Variants in SLIT1 observed in about 807,000 individuals in gnomAD.
SLIT1 encodes slit guidance ligand 1.
A neutral mutation model predicts 186.1 loss-of-function variants in SLIT1; 66 were observed. The ratio of observed to expected loss-of-function variants is 0.35; its 90% CI spans 0.29 to 0.44. The LOEUF (loss-of-function observed/expected upper bound fraction) is 0.44, where lower values mean the gene tolerates loss of function less well. SLIT1 is among the 20% of genes least tolerant of loss of function. SLIT1 has a pLI of 1.00. For missense variants in SLIT1, 1,638 were observed against 2,037.4 expected (o/e 0.80, Z 3.77); for synonymous variants, 761 against 833.8 (o/e 0.91, Z 1.50).
rs1848505164 is a variant in SLIT1 at position 97,021,861 on chromosome 10, C to G, written c.2583-448G>C. ...TACAGGCGTGAGCCACCGTGCCTGGCTGCCAGTGCTGTTTTAAGCACTGCA... is the reference window on the plus strand; with the variant it reads ...TACAGGCGTGAGCCACCGTGCCTGGGTGCCAGTGCTGTTTTAAGCACTGCA... On this transcript the variant is annotated intron_variant, in intron 25 of 36. Transcript: ENST00000266058. This position sits in a 1 kb window ranked among gnomAD's most constrained non-coding sequence, Gnocchi z 4.5. Among the ~76,000 whole-genome samples the G allele has an allele frequency of 6.6e-6, 1 of 152,218 alleles. No homozygotes were observed. Among genetic ancestry groups the G allele is most frequent in the Non-Finnish European group, 1.5e-5 (1 of 68,040 alleles).
chr10:97,052,090 G>GTT (rs773462819), intron 13 of SLIT1, among the ~76,000 whole-genome samples: 2,514 of 118,152 alleles, frequency 0.021, 89 homozygotes, highest in African/African-American at 0.075. Context: ...GTATGATTCG[G>GTT]TTTTTTTTTG....
intron 1 of SLIT1, among the ~76,000 whole-genome samples, chr10:97,168,096 T>G (rs1021104957): frequency 6.6e-6 from 1 of 152,206 alleles, no homozygotes; most frequent in Non-Finnish European, 1.5e-5. Flanking sequence ...CACATAACAA[T>G]GGCTGTCACT....
chr10:97,137,800 G>C (rs760223074), intron 4 of SLIT1, among the ~76,000 whole-genome samples: 1 of 152,230 alleles, frequency 6.6e-6, no homozygotes, highest in East Asian at 1.9e-4. Context: ...TGCCCAGGCT[G>C]GTTGCTTAAT....
chr10:97,026,452 G>A (rs1029455520), intron 25 of SLIT1, among the ~76,000 whole-genome samples: 1 of 148,534 alleles, frequency 6.7e-6, no homozygotes, highest in African/African-American at 2.6e-5. Flanking sequence ...CGATAAGAGC[G>A]AAACTCCGTC....
chr10:97,149,805 A>G (rs1487779592), intron 4 of SLIT1, among the ~76,000 whole-genome samples: 1 of 152,186 alleles, frequency 6.6e-6, no homozygotes, highest in African/African-American at 2.4e-5. Context: ...ACTTAATACT[A>G]GGCTGATGTT....
At chr10:97,114,708 T>C (rs1264624200) in intron 4 of SLIT1, among the ~76,000 whole-genome samples, 2 of 152,146 alleles carry the variant, frequency 1.3e-5, no homozygotes, top group African/African-American at 4.8e-5. Flanking sequence ...TCTACCTGGA[T>C]ACTTAGGGTC....
chr10:97,066,185 G>A lies in SLIT1; in HGVS notation c.414-99C>T. On this transcript the variant is annotated intron_variant, in intron 4 of 36. Transcript: ENST00000266058. ...AGGGAAGCAGGGCAGGTGGGCTGGA[G>A]GGCACTGAACCAGCCACTGCTGCAC... The A allele has an allele frequency of 1.2e-5, 11 of 899,872 alleles. No individual in the cohort carries two copies. The South Asian group carries it at 1.3e-4, about 10-fold the overall frequency. 55.7% of individuals were successfully genotyped at this position (899,872 alleles called of 1,614,324 possible).
At chr10:97,177,003 T>C (rs549687328) in intron 1 of SLIT1, among the ~76,000 whole-genome samples, 127 of 152,348 alleles carry the variant, frequency 8.3e-4, no homozygotes, top group African/African-American at 3.0e-3. Context: ...AACTGTGCCC[T>C]GGGCACTCCA....
chr10:97,129,688 C>A (rs527755111), intron 4 of SLIT1, among the ~76,000 whole-genome samples: 1 of 152,140 alleles, frequency 6.6e-6, no homozygotes, highest in Non-Finnish European at 1.5e-5. Flanking sequence ...GCCTTCCAAG[C>A]GGGCATCCTC....
intron 7 of SLIT1, 114 bp from the exon 8 acceptor site, chr10:97,063,732 C>T: frequency 8.5e-7 from 1 of 1,169,884 alleles, no homozygotes; most frequent in Non-Finnish European, 1.2e-6. Flanking sequence ...AAGCCAAACA[C>T]AGTCTACATT....
At chr10:97,134,561 T>A (rs1849684370) in intron 4 of SLIT1, among the ~76,000 whole-genome samples, 1 of 152,096 alleles carries the variant, frequency 6.6e-6, no homozygotes, top group African/African-American at 2.4e-5. Context: ...GAGCTGCAGA[T>A]CTCTCCCACC....
At chr10:97,167,252 T>A (rs2134732394) in intron 1 of SLIT1, among the ~76,000 whole-genome samples, 1 of 152,338 alleles carries the variant, frequency 6.6e-6, no homozygotes, top group East Asian at 1.9e-4. Context: ...ACAGCCACTC[T>A]GAGCCTCACT....
At chr10:97,149,236 G>C (rs949608713) in intron 4 of SLIT1, among the ~76,000 whole-genome samples, 1 of 152,210 alleles carries the variant, frequency 6.6e-6, no homozygotes, top group Admixed American at 6.5e-5. Context: ...ATCTGAGGCC[G>C]GCCGCCCTCT....
At chr10:97,138,416 C>T (rs897005486) in intron 4 of SLIT1, among the ~76,000 whole-genome samples, 5 of 152,216 alleles carry the variant, frequency 3.3e-5, no homozygotes, top group Non-Finnish European at 5.9e-5. Flanking sequence ...GCAGGGAGGC[C>T]GGGGACGGTC....
At chr10:97,175,528 G>C (rs150872283) in intron 1 of SLIT1, among the ~76,000 whole-genome samples, 1 of 152,096 alleles carries the variant, frequency 6.6e-6, no homozygotes, top group Non-Finnish European at 1.5e-5. Flanking sequence ...GCACATCCTC[G>C]TCAACACTTG....
intron 3 of SLIT1, among the ~76,000 whole-genome samples, chr10:97,161,156 C>T (rs956895250): frequency 2.9e-4 from 44 of 152,306 alleles, no homozygotes; most frequent in African/African-American, 1.0e-3. Flanking sequence ...GGCCTAAAGT[C>T]GCCACTCACC....
intron 35 of SLIT1, 65 bp from the exon 36 acceptor site, chr10:97,002,434 G>GCCCCACCTGACACAGCCCA (rs1219164697): frequency 2.3e-6 from 3 of 1,291,422 alleles, no homozygotes; most frequent in East Asian, 2.5e-5. Context: ...GACACAGCCC[G>GCCCCACCTGACACAGCCCA]CCCCACCTGA....
In SLIT1 at chr10:97,185,795, G is replaced by T; in HGVS notation, c.-121C>A. 1.1e-6 allele frequency: 1 copy of T among 891,604 alleles called. No homozygotes were observed. Among genetic ancestry groups the T allele is most frequent in the Non-Finnish European group, 1.6e-6 (1 of 639,964 alleles). 55.2% of individuals were successfully genotyped at this position (891,604 alleles called of 1,614,324 possible). ...CACCGAAGAGCCCGCGGGCTTGCGC[G>T]CGGCGCCCCTGCGGGCTGGGAGGCA... On this transcript the variant is annotated 5_prime_UTR_variant, in exon 1 of 37. Coordinates refer to ENST00000266058, the MANE Select transcript of SLIT1 (RefSeq NM_003061.3).
At chr10:97,060,035 G>T in intron 10 of SLIT1, 52 bp downstream of exon 10, 2 of 1,483,766 alleles carry the variant, frequency 1.3e-6, no homozygotes, top group South Asian at 1.1e-5. Context: ...GACCACCCAG[G>T]ATCTCCGTCA....
Sources: allele counts gnomAD v4.1 joint callset (sites outside exome capture counted in the v4.1 genomes callset), GRCh38; gene constraint gnomAD v4.1.1; non-coding constraint Gnocchi (gnomAD v3.1); transcripts MANE v1.5; gene names NCBI Gene and HGNC (gene_info 2026-07-23, HGNC 2026-07-21).